The following TBL1X variants were observed in gnomAD, a reference collection of about 807,000 sequenced individuals.
TBL1X encodes the protein transducin beta like 1 X-linked, also known as F-box-like/WD repeat-containing protein TBL1X.
In TBL1X, 10 loss-of-function variants were observed where a neutral mutation model predicts 50.7. That is an observed-to-expected ratio of 0.20 (90% CI 0.12 to 0.33). The LOEUF (loss-of-function observed/expected upper bound fraction) is 0.33. TBL1X is among the 10% of genes least tolerant of loss of function. TBL1X has a pLI of 1.00. For missense variants in TBL1X, 340 were observed against 504.4 expected (o/e 0.67, Z 3.12); for synonymous variants, 190 against 214.7 (o/e 0.88, Z 1.01).
In TBL1X at chrX:9,613,129, T is replaced by G. The variant is rs377371121; in HGVS notation, c.-130-27144T>G. On this transcript the variant is annotated intron_variant, in intron 2 of 17. Transcript: ENST00000645353. ...TTCTAGGAGTTTTAAACTAGGATAG[T>G]TTGTGGTTATTAATCTGTTTGGAAG... is the stretch of plus-strand genomic sequence containing the variant. Among the ~76,000 whole-genome samples, 4 of 111,253 alleles carry G rather than the reference T, an allele frequency of 3.6e-5. No homozygotes were observed. In the East Asian group the frequency reaches 1.1e-3, roughly 31 times the overall value.
At position 9,579,814 on chromosome X, in the gene TBL1X, T is replaced by C. The variant is rs180937528; in HGVS notation, c.-130-60459T>C. Among the ~76,000 whole-genome samples, 14 of 111,007 alleles carry C rather than the reference T, an allele frequency of 1.3e-4. No individual in the cohort carries two copies. In the East Asian group the frequency reaches 4.0e-3, roughly 32 times the overall value. ...GGAGCACAGAGCCATTTCTCCCCTG[T>C]GCTGGATTTTGAATGTTCTTTCAAC... On this transcript the variant is annotated intron_variant, in intron 2 of 17. Transcript: ENST00000645353.
At chrX:9,539,703 C>T (rs182656297) in intron 2 of TBL1X, among the ~76,000 whole-genome samples, 1 of 112,491 alleles carries the variant, frequency 8.9e-6, no homozygotes, top group African/African-American at 3.2e-5. Flanking sequence ...TTCTTTGTGT[C>T]ATGGGCAGGC....
At chrX:9,479,407 C>G (rs181794240) in intron 1 of TBL1X, among the ~76,000 whole-genome samples, 133 of 112,227 alleles carry the variant, frequency 1.2e-3, no homozygotes, top group African/African-American at 4.2e-3. Context: ...GATCACGCCA[C>G]TGCACTCCAG....
At chrX:9,520,620 G>A (rs182085437) in intron 2 of TBL1X, among the ~76,000 whole-genome samples, 230 of 111,819 alleles carry the variant, frequency 2.1e-3, no homozygotes, top group Non-Finnish European at 3.3e-3. Flanking sequence ...GTGCATCTGC[G>A]GCTGGCTGAA....
intron 1 of TBL1X, among the ~76,000 whole-genome samples, chrX:9,472,087 C>T (rs1045170326): frequency 9.0e-6 from 1 of 111,509 alleles, no homozygotes; most frequent in Non-Finnish European, 1.9e-5. Flanking sequence ...GCATGTGTCC[C>T]CTTTAGGCTT....
At position 9,616,804 on chromosome X, in the gene TBL1X, C is replaced by G. The variant is rs1282695846; in HGVS notation, c.-130-23469C>G. On this transcript the variant is annotated intron_variant, in intron 2 of 17. Transcript: ENST00000645353. The stretch of plus-strand genomic sequence containing the variant: ...TTCCTCAGTGTATGGGTTCTGAATG[C>G]TCCTGTTGTCCTGTGAGGTGAATTT... 5.4e-5 allele frequency among the ~76,000 whole-genome samples: 6 copies of G among 111,739 alleles called. No homozygotes were observed. In the East Asian group the frequency reaches 1.7e-3, roughly 31 times the overall value.
At chrX:9,611,770 G>A (rs1035151424) in intron 2 of TBL1X, among the ~76,000 whole-genome samples, 5 of 112,253 alleles carry the variant, frequency 4.5e-5, no homozygotes, top group Non-Finnish European at 7.5e-5. Flanking sequence ...TGGCACCATT[G>A]CCTGTGTCTT....
intron 1 of TBL1X, among the ~76,000 whole-genome samples, chrX:9,500,743 AG>A (rs2081997060): frequency 8.9e-6 from 1 of 112,362 alleles, no homozygotes; most frequent in Non-Finnish European, 1.9e-5. Flanking sequence ...TGAGTGTGGC[AG>A]GGCCATGTGC....
At chrX:9,597,391 C>G (rs973323666) in intron 2 of TBL1X, among the ~76,000 whole-genome samples, 3 of 111,819 alleles carry the variant, frequency 2.7e-5, no homozygotes, top group Non-Finnish European at 5.6e-5. Context: ...TCAGAAGACT[C>G]AAGTCTACAC....
chrX:9,511,611 TTCTG>T (rs1244714561), intron 2 of TBL1X, among the ~76,000 whole-genome samples: 3 of 112,521 alleles, frequency 2.7e-5, no homozygotes, highest in Non-Finnish European at 5.6e-5. Context: ...TACGTTTTAT[TTCTG>T]TCTGTTTTGT....
intron 2 of TBL1X, among the ~76,000 whole-genome samples, chrX:9,512,764 G>T (rs2082062548): frequency 9.0e-6 from 1 of 111,674 alleles, no homozygotes; most frequent in South Asian, 3.7e-4. Flanking sequence ...CTCCCAAAGT[G>T]CTGGGATTAC....
At chrX:9,540,000 G>T (rs767799329) in intron 2 of TBL1X, among the ~76,000 whole-genome samples, 38 of 112,644 alleles carry the variant, frequency 3.4e-4, no homozygotes, top group Non-Finnish European at 6.2e-4. Context: ...TCCAGAACAG[G>T]TGCAGAATAA....
chrX:9,502,170 A>G (rs2082004667), intron 2 of TBL1X, among the ~76,000 whole-genome samples: 1 of 112,990 alleles, frequency 8.9e-6, no homozygotes, highest in African/African-American at 3.2e-5. Context: ...TACATGTTGA[A>G]ATGATCACTT....
At chrX:9,585,340 T>TC (rs397840236) in intron 2 of TBL1X, among the ~76,000 whole-genome samples, 15,466 of 57,250 alleles carry the variant, frequency 0.27, 1,618 homozygotes, top group East Asian at 0.61. Flanking sequence ...CCCCCTCCCC[T>TC]CCCCCCCCCG....
intron 15 of TBL1X, among the ~76,000 whole-genome samples, chrX:9,711,173 C>G (rs2083243944): frequency 9.1e-6 from 1 of 109,988 alleles, no homozygotes; most frequent in African/African-American, 3.3e-5. Context: ...GAAACCCCGT[C>G]TCTACAAAAA....
intron 2 of TBL1X, among the ~76,000 whole-genome samples, chrX:9,592,553 A>G (rs1245172923): frequency 9.0e-6 from 1 of 111,479 alleles, no homozygotes; most frequent in African/African-American, 3.3e-5. Flanking sequence ...TGTAGCCATC[A>G]CCCTCTTACA....
chrX:9,691,855 T>C lies in TBL1X; in HGVS notation c.749+144T>C. ...GGGCAGACCAAGGAATGGGTGGCTCTATGAGCCACTTCTCTACATGTCTCA... is the reference window on the plus strand; with the variant it reads ...GGGCAGACCAAGGAATGGGTGGCTCCATGAGCCACTTCTCTACATGTCTCA... On this transcript the variant is annotated intron_variant, in intron 8 of 17. Transcript: ENST00000645353. 3.4e-6 allele frequency: 3 copies of C among 871,964 alleles called. No homozygotes were observed. In the South Asian group the frequency reaches 7.8e-5, roughly 23 times the overall value. 71.9% of individuals were successfully genotyped at this position (871,964 alleles called of 1,213,427 possible).
At chrX:9,593,169 A>G (rs1887064117) in intron 2 of TBL1X, among the ~76,000 whole-genome samples, 2 of 110,687 alleles carry the variant, frequency 1.8e-5, no homozygotes, top group South Asian at 7.8e-4. Context: ...TGGGAGGCCG[A>G]GGCAGGCGGA....
At chrX:9,509,061 G>A (rs1011597259) in intron 2 of TBL1X, among the ~76,000 whole-genome samples, 7 of 98,225 alleles carry the variant, frequency 7.1e-5, no homozygotes, top group Non-Finnish European at 1.4e-4. Flanking sequence ...CACGTTCTGC[G>A]CATGTATCCT....
Sources: allele counts gnomAD v4.1 joint callset (sites outside exome capture counted in the v4.1 genomes callset), GRCh38; gene constraint gnomAD v4.1.1; transcripts MANE v1.5; gene names NCBI Gene and HGNC (gene_info 2026-07-23, HGNC 2026-07-21).